DNAH9: variants seen among roughly 807,000 people sequenced by gnomAD.
DNAH9 encodes DNAH9 variant protein.
DNAH9 carries 345 observed loss-of-function variants against 471.6 expected under a neutral mutation model. That is an observed-to-expected ratio of 0.73 (90% confidence interval 0.67 to 0.80). The LOEUF is 0.80. DNAH9 is among the 30% of genes least tolerant of loss of function. The probability of loss-of-function intolerance (pLI) is 0.00; values close to 1 mark genes in which losing one functional copy is unlikely to be tolerated. For synonymous variants in DNAH9, 2,093 were observed against 2,123.6 expected, an observed-to-expected ratio of 0.99 and a Z score of 0.40; for missense variants, 5,407 against 5,609.2, an observed-to-expected ratio of 0.96 and a Z score of 1.15.
At chr17:11,913,263 A>G (rs1356634952) in intron 61 of DNAH9, among the ~76,000 whole-genome samples, 1 of 152,160 alleles carries the variant, frequency 6.6e-6, no homozygotes, top group Non-Finnish European at 1.5e-5. Flanking sequence ...AGTTTTTTTG[A>G]GTAAGAAGTT....
chr17:11,646,920 A>G (rs1245266864), intron 11 of DNAH9, 152 bp from the exon 12 acceptor site: 11 of 632,106 alleles, frequency 1.7e-5, no homozygotes, highest in Non-Finnish European at 2.8e-5. Context: ...TCTCAAAAAG[A>G]AAGAAAGAAA....
chr17:11,782,578 C>T (rs1485930365), intron 39 of DNAH9, among the ~76,000 whole-genome samples: 1 of 152,190 alleles, frequency 6.6e-6, no homozygotes, highest in African/African-American at 2.4e-5. Context: ...CCCATCTCCT[C>T]ATTAGCTGCT....
At chr17:11,881,125 T>C (rs1972702433) in intron 54 of DNAH9, 84 bp from the exon 55 acceptor site, 1 of 1,270,216 alleles carries the variant, frequency 7.9e-7, no homozygotes. Context: ...TATAGCAATA[T>C]TGTTTGAAAA....
chr17:11,685,564 G>A (rs1003063170), intron 19 of DNAH9, among the ~76,000 whole-genome samples: 2 of 152,118 alleles, frequency 1.3e-5, no homozygotes, highest in African/African-American at 4.8e-5. Context: ...GAAGTGGTGA[G>A]GCCTGATCAG....
intron 43 of DNAH9, among the ~76,000 whole-genome samples, chr17:11,807,386 T>C (rs1434630081): frequency 6.6e-6 from 1 of 152,142 alleles, no homozygotes; most frequent in South Asian, 2.1e-4. Flanking sequence ...AGAATTGAAG[T>C]GGGAGGTGTG....
intron 1 of DNAH9, among the ~76,000 whole-genome samples, chr17:11,606,976 T>A (rs1337970810): frequency 6.6e-6 from 1 of 152,190 alleles, no homozygotes; most frequent in African/African-American, 2.4e-5. Flanking sequence ...GGCTCAGATT[T>A]GGTTCCATGT....
At chr17:11,797,880 G>A (rs1308021335) in intron 43 of DNAH9, 87 bp downstream of exon 43, 7 of 1,348,458 alleles carry the variant, frequency 5.2e-6, no homozygotes, top group Admixed American at 2.3e-5. Context: ...GGTCACTTCC[G>A]TAAAGCCAGG....
Position 11,619,589 on chromosome 17 carries a change from G to A in DNAH9, c.1158G>A (p.Glu386=). 6.2e-7 allele frequency: 1 copy of A among 1,614,080 alleles called. No homozygotes were observed. The highest frequency in any genetic ancestry group is 8.5e-7 in the Non-Finnish European group (1 of 1,179,920). The stretch of plus-strand genomic sequence containing the variant: ...GCCCAGAAGACCTGCTGAGAAGTGA[G>A]GTAGAAGAAAGTCAGAGAAAACTGC... ...YLSPEDLLRS[E]VEESQRKLQV... Residue 386 remains glutamate (E), a synonymous_variant, in exon 6 of 69, where the codon GAG becomes GAA. Coordinates refer to ENST00000262442, the MANE Select transcript of DNAH9 (RefSeq NM_001372.4).
intron 68 of DNAH9, among the ~76,000 whole-genome samples, chr17:11,968,573 T>C (rs1976929589): frequency 6.6e-6 from 1 of 152,244 alleles, no homozygotes; most frequent in African/African-American, 2.4e-5. Context: ...GTTTTCTTTA[T>C]TGCTAGGACT....
intron 33 of DNAH9, among the ~76,000 whole-genome samples, 168 bp from the exon 34 acceptor site, chr17:11,756,400 T>C (rs1203761131): frequency 1.3e-5 from 2 of 152,126 alleles, no homozygotes; most frequent in Non-Finnish European, 2.9e-5. Context: ...ATGGGAATTA[T>C]GGGAGCTACA....
At chr17:11,884,025 C>T (rs1200620940) in intron 56 of DNAH9, among the ~76,000 whole-genome samples, 1 of 152,144 alleles carries the variant, frequency 6.6e-6, no homozygotes, top group Non-Finnish European at 1.5e-5. Context: ...CTTTGTGGGG[C>T]CTGGTATTCT....
chr17:11,699,941 A>C, intron 23 of DNAH9, 58 bp downstream of exon 23: 1 of 1,569,160 alleles, frequency 6.4e-7, no homozygotes, highest in South Asian at 1.1e-5. Flanking sequence ...CCTTCATTCA[A>C]ATATGATCAG....
chr17:11,945,924 G>A (rs1287089059), intron 67 of DNAH9, among the ~76,000 whole-genome samples: 5 of 151,988 alleles, frequency 3.3e-5, no homozygotes, highest in South Asian at 4.2e-4. Context: ...TTAGCCGGGC[G>A]TAGTGGTGGG....
At chr17:11,653,162 C>G (rs969190635) in intron 14 of DNAH9, among the ~76,000 whole-genome samples, 160 bp downstream of exon 14, 1 of 152,182 alleles carries the variant, frequency 6.6e-6, no homozygotes, top group Non-Finnish European at 1.5e-5. Context: ...AGCTGATAGA[C>G]TGGGCAAATG....
intron 56 of DNAH9, 41 bp downstream of exon 56, chr17:11,883,791 G>T: frequency 1.9e-6 from 3 of 1,586,622 alleles, no homozygotes; most frequent in Non-Finnish European, 2.6e-6. Flanking sequence ...AGCCTAGGCT[G>T]GGGTCCTCCT....
At chr17:11,828,633 G>A (rs1040758758) in intron 48 of DNAH9, among the ~76,000 whole-genome samples, 5 of 151,754 alleles carry the variant, frequency 3.3e-5, no homozygotes, top group African/African-American at 7.3e-5. Context: ...TTTCTTCCTC[G>A]GTTCTACCAC....
intron 10 of DNAH9, among the ~76,000 whole-genome samples, chr17:11,642,686 C>T (rs971492221): frequency 1.1e-4 from 16 of 152,228 alleles, no homozygotes; most frequent in Admixed American, 6.5e-4. Context: ...CAGACCCACT[C>T]GGCCACACGC....
Position 11,744,785 on chromosome 17 carries a change from C to A in DNAH9, c.6112-12C>A. The stretch of plus-strand genomic sequence containing the variant: ...CTGTCTCTCTGTCACTTTGATCTAA[C>A]ACTGCCCACAGGATCACTACGACTG... On this transcript the variant is annotated splice_polypyrimidine_tract_variant and intron_variant, in intron 30 of 68. Coordinates refer to ENST00000262442, the MANE Select transcript of DNAH9 (RefSeq NM_001372.4). 3 of 1,604,626 alleles carry A rather than the reference C, an allele frequency of 1.9e-6. No individual in the cohort carries two copies. Among genetic ancestry groups the A allele is most frequent in the Non-Finnish European group, 2.6e-6 (3 of 1,174,118 alleles).
chr17:11,842,651 C>T (rs919669675), intron 49 of DNAH9, among the ~76,000 whole-genome samples: 1 of 152,140 alleles, frequency 6.6e-6, no homozygotes, highest in Admixed American at 6.5e-5. Flanking sequence ...AAGAACTTGG[C>T]GTCTGATGTT....
Sources: gnomAD v4.1 joint callset for allele counts (sites outside exome capture counted in the v4.1 genomes callset) on GRCh38, gnomAD v4.1.1 for gene constraint, MANE v1.5 for transcripts, NCBI Gene and HGNC (gene_info 2026-07-23, HGNC 2026-07-21) for gene names.